SEPSECS: variants seen among roughly 807,000 people sequenced by gnomAD.
SEPSECS encodes the protein Sep (O-phosphoserine) tRNA:Sec (selenocysteine) tRNA synthase, also known as O-phosphoseryl-tRNA(Sec) selenium transferase.
In SEPSECS, 42 loss-of-function variants were observed where a neutral mutation model predicts 52.1. The ratio of observed to expected loss-of-function variants is 0.81; its 90% CI spans 0.63 to 1.04. The LOEUF (loss-of-function observed/expected upper bound fraction) is 1.04. Ranked by LOEUF, SEPSECS falls within the 50% of genes least tolerant of loss-of-function variation. The pLI is 0.00. For synonymous variants in SEPSECS, 216 were observed against 211.4 expected (o/e 1.02, Z -0.19); for missense variants, 590 against 610.6 (o/e 0.97, Z 0.36).
chr4:25,134,974 G>A (rs936232930), intron 8 of SEPSECS, among the ~76,000 whole-genome samples: 15 of 152,074 alleles, frequency 9.9e-5, no homozygotes, highest in African/African-American at 2.2e-4. Flanking sequence ...GGTAAATAAC[G>A]AAATTAAGGC....
rs1430819064 is a variant in SEPSECS at position 25,156,036 on chromosome 4, C to G, written c.547+1G>C. The G allele has an allele frequency of 1.9e-6, 3 of 1,612,006 alleles. No homozygotes were observed. Among genetic ancestry groups the G allele is most frequent in the Non-Finnish European group, 2.5e-6 (3 of 1,178,326 alleles). The stretch of plus-strand genomic sequence containing the variant: ...AACATTATGTATGACACTTCTCTTA[C>G]CTGCAGTGATCATGGATTTAAAGCA... On this transcript the variant is annotated splice_donor_variant, in intron 4 of 10. Transcript: ENST00000382103. LOFTEE classifies it high-confidence loss of function.
intron 8 of SEPSECS, among the ~76,000 whole-genome samples, chr4:25,127,694 A>G (rs1197507960): frequency 6.6e-6 from 1 of 152,062 alleles, no homozygotes; most frequent in Non-Finnish European, 1.5e-5. Context: ...ATCCTAAATG[A>G]TTTTTCTGCC....
rs941687221 is a variant in SEPSECS, at chr4:25,137,979, C to T, written c.1026+6795G>A. On this transcript the variant is annotated intron_variant, in intron 8 of 10. Transcript: ENST00000382103. The stretch of plus-strand genomic sequence containing the variant: ...AAAGCAGGAACAGAAAACCAAATAC[C>T]GCATCGTCTCACTCTAAGTGGGAGC... Among the ~76,000 whole-genome samples, 8 of 152,208 alleles carry T rather than the reference C, an allele frequency of 5.3e-5. No homozygotes were observed. In the South Asian group the frequency reaches 6.2e-4, roughly 12 times the overall value.
intron 8 of SEPSECS, among the ~76,000 whole-genome samples, chr4:25,142,634 G>A (rs548193098): frequency 7.9e-5 from 12 of 152,242 alleles, no homozygotes; most frequent in Admixed American, 4.6e-4. Context: ...TTTAGACTAC[G>A]CTATTTTAAG....
In SEPSECS at chr4:25,157,487, G is replaced by A. The variant is rs186094951; in HGVS notation, c.270-513C>T. Among the ~76,000 whole-genome samples the A allele has an allele frequency of 6.9e-3, 1,044 of 152,040 alleles. 6 individuals carry two copies. The highest frequency in any genetic ancestry group is 9.7e-3 in the Non-Finnish European group (662 of 67,976). On this transcript the variant is annotated intron_variant, in intron 2 of 10. Transcript: ENST00000382103. ...ATGTTTTAAGCCACTTAATTTTAGG[G>A]TGGTTTGTTCTGTAGCAATAGAAAA... is the stretch of plus-strand genomic sequence containing the variant.
intron 6 of SEPSECS, among the ~76,000 whole-genome samples, chr4:25,150,005 T>TGAAA (rs746583223): frequency 3.3e-5 from 5 of 152,222 alleles, no homozygotes; most frequent in Non-Finnish European, 7.3e-5. Context: ...TTAAGCCAAC[T>TGAAA]TGAGTTGGGT....
intron 6 of SEPSECS, among the ~76,000 whole-genome samples, chr4:25,146,569 C>G (rs983483283): frequency 6.6e-6 from 1 of 152,142 alleles, no homozygotes; most frequent in African/African-American, 2.4e-5. Context: ...TGTCCAAGGC[C>G]TCCTGAGAGA....
chr4:25,158,811 T>C, intron 2 of SEPSECS, 142 bp downstream of exon 2: 5 of 785,336 alleles, frequency 6.4e-6, no homozygotes, highest in Non-Finnish European at 1.0e-5. Context: ...CCTGTTGCAT[T>C]TGGCTTACAT....
In SEPSECS at chr4:25,159,025, A is replaced by G; in HGVS notation, c.197T>C (p.Phe66Ser). 6.2e-7 allele frequency: 1 copy of G among 1,613,650 alleles called. No homozygotes were observed. The highest frequency in any genetic ancestry group is 8.5e-7 in the Non-Finnish European group (1 of 1,179,682). Residue 66 changes from phenylalanine to serine, a missense_variant, in exon 2 of 11, where the codon TTC (phenylalanine) becomes TCC (serine). Coordinates refer to ENST00000382103, the MANE Select transcript of SEPSECS (RefSeq NM_016955.4). ...TTCTCCCACACCACAATTGCCTAAG[A>G]AATTGTTGCTGTCCATGATTGCAAG... Reference protein sequence around the residue: ...HELAIMDSNNFLGNCGVGERE... With the variant: ...HELAIMDSNNSLGNCGVGERE...
intron 6 of SEPSECS, among the ~76,000 whole-genome samples, chr4:25,146,441 G>A (rs575025981): frequency 4.5e-4 from 68 of 150,552 alleles, no homozygotes; most frequent in African/African-American, 1.5e-3. Context: ...CATATCACAG[G>A]AAAATAGAGA....
chr4:25,128,182 T>C (rs1277755384), intron 8 of SEPSECS, among the ~76,000 whole-genome samples: 2 of 152,322 alleles, frequency 1.3e-5, no homozygotes, highest in East Asian at 1.9e-4. Flanking sequence ...TGCCTATTAC[T>C]ACCCATTACA....
intron 8 of SEPSECS, among the ~76,000 whole-genome samples, chr4:25,134,290 G>A (rs562801838): frequency 1.1e-4 from 17 of 151,216 alleles, no homozygotes; most frequent in Admixed American, 6.6e-4. Context: ...CCCAGCCTGA[G>A]CAGCATAGCA....
Position 25,122,958 on chromosome 4 carries a change from T to A in SEPSECS, c.*973A>T, listed in dbSNP as rs1728191170. ...ATTTTGATGATGTCTGTGCACAACA[T>A]CTGAACAAACTAACCAATATATGCA... On this transcript the variant is annotated 3_prime_UTR_variant, in exon 11 of 11. Transcript: ENST00000382103. 6.6e-6 allele frequency: 1 copy of A among 152,042 alleles called. No individual in the cohort carries two copies. Among genetic ancestry groups the A allele is most frequent in the Non-Finnish European group, 1.5e-5 (1 of 67,998 alleles). 9.4% of individuals were successfully genotyped at this position (152,042 alleles called of 1,614,324 possible).
upstream of SEPSECS, chr4:25,160,472 G>C: frequency 1.1e-6 from 1 of 917,950 alleles, no homozygotes; most frequent in Non-Finnish European, 1.7e-6. Context: ...GTACGGCAGC[G>C]CCTTGGGACA....
rs1411900902 is a variant in SEPSECS at position 25,123,694 on chromosome 4, C to T, written c.*237G>A. The T allele has an allele frequency of 5.8e-6, 3 of 516,386 alleles. No individual in the cohort carries two copies. Among genetic ancestry groups the T allele is most frequent in the African/African-American group, 1.9e-5 (1 of 52,380 alleles). The allele number at this position is 516,386 out of a possible 1,614,324, so 32.0% of individuals were successfully genotyped here. On this transcript the variant is annotated 3_prime_UTR_variant, in exon 11 of 11. Transcript: ENST00000382103. ...GATGCTTAATTGACAGATATTCTAA[C>T]AATTAGAAAAATGCTAATTGTATAT...
At chr4:25,136,086 C>T (rs529456444) in intron 8 of SEPSECS, among the ~76,000 whole-genome samples, 1 of 152,180 alleles carries the variant, frequency 6.6e-6, no homozygotes, top group Non-Finnish European at 1.5e-5. Flanking sequence ...GACAAACCCA[C>T]AGCCAATATC....
At chr4:25,142,461 A>T (rs772951608) in intron 8 of SEPSECS, among the ~76,000 whole-genome samples, 2 of 152,188 alleles carry the variant, frequency 1.3e-5, no homozygotes, top group Non-Finnish European at 2.9e-5. Context: ...TTTCCCCCAT[A>T]GGCAATGTGT....
rs746155941 is a variant in SEPSECS, at chr4:25,125,700, C to T, written c.1205G>A (p.Gly402Glu). ...CTATCTTAAACATACTTACCTGGCT[C>T]CAGAAACCTGTCTGGTAAAAAGCAT... ...GSMLFTRQVSGARVVPLGSMQ... is the reference protein window; with the variant it reads ...GSMLFTRQVSEARVVPLGSMQ... Residue 402 changes from glycine (G) to glutamate (E), a missense_variant, in exon 10 of 11, where the codon GGA becomes GAA. By Grantham distance (98) the Gly-to-Glu change is moderately conservative. Coordinates refer to ENST00000382103, the MANE Select transcript of SEPSECS (RefSeq NM_016955.4). 1.9e-6 allele frequency: 3 copies of T among 1,609,176 alleles called. No homozygotes were observed. Among genetic ancestry groups the T allele is most frequent in the East Asian group, 2.2e-5 (1 of 44,808 alleles).
intron 2 of SEPSECS, among the ~76,000 whole-genome samples, chr4:25,157,824 C>T (rs1336399063): frequency 1.3e-5 from 2 of 152,136 alleles, no homozygotes; most frequent in African/African-American, 2.4e-5. Flanking sequence ...AGATTACCGG[C>T]GTGAGCCACC....
Sources: gnomAD v4.1 joint callset for allele counts (sites outside exome capture counted in the v4.1 genomes callset) on GRCh38, gnomAD v4.1.1 for gene constraint, MANE v1.5 for transcripts, NCBI Gene and HGNC (gene_info 2026-07-23, HGNC 2026-07-21) for gene names.